The following TNRC6A variants were observed in gnomAD, a reference collection of about 807,000 sequenced individuals.
The protein encoded by TNRC6A is trinucleotide repeat-containing gene 6A protein.
Under a neutral mutation model 221.2 loss-of-function variants are expected in TNRC6A, and 44 were observed. That is an observed-to-expected ratio of 0.20 (90% CI 0.16 to 0.26). The LOEUF is 0.26. Ranked by LOEUF, TNRC6A falls within the 10% of genes least tolerant of loss-of-function variation. The probability of loss-of-function intolerance (pLI) is 1.00; values close to 1 mark genes in which losing one functional copy is unlikely to be tolerated. For synonymous variants in TNRC6A, 847 were observed against 838.5 expected (o/e 1.01, Z -0.18); for missense variants, 2,199 against 2,404.4 (o/e 0.91, Z 1.79).
intron 18 of TNRC6A, among the ~76,000 whole-genome samples, chr16:24,811,215 A>T (rs540140527): frequency 6.6e-6 from 1 of 152,128 alleles, no homozygotes; most frequent in Admixed American, 6.5e-5. Flanking sequence ...GCTAACCCTT[A>T]GCTGCACACT....
intron 2 of TNRC6A, among the ~76,000 whole-genome samples, chr16:24,700,875 C>T (rs955352124): frequency 1.3e-5 from 2 of 152,204 alleles, no homozygotes; most frequent in Admixed American, 6.6e-5. Flanking sequence ...CCCCATGTTC[C>T]GCCATGGCTA....
intron 2 of TNRC6A, among the ~76,000 whole-genome samples, chr16:24,701,201 C>T (rs867522540): frequency 9.9e-5 from 15 of 152,122 alleles, no homozygotes; most frequent in Admixed American, 2.6e-4. Context: ...ATGACTCAGG[C>T]GGAGACTATT....
intron 3 of TNRC6A, among the ~76,000 whole-genome samples, chr16:24,754,526 A>G (rs973210055): frequency 6.6e-6 from 1 of 152,176 alleles, no homozygotes; most frequent in Non-Finnish European, 1.5e-5. Flanking sequence ...GGCTTAGAAA[A>G]TAATTTGACA....
chr16:24,650,955 G>T (rs1443220754), intron 2 of TNRC6A, among the ~76,000 whole-genome samples: 2 of 152,154 alleles, frequency 1.3e-5, no homozygotes, highest in African/African-American at 4.8e-5. Flanking sequence ...CATTGCTAGT[G>T]CTCATTTGCC....
At chr16:24,728,665 T>C (rs886734480), upstream of TNRC6A, among the ~76,000 whole-genome samples, 2 of 152,244 alleles carry the variant, frequency 1.3e-5, no homozygotes, top group Non-Finnish European at 2.9e-5. Flanking sequence ...TTACTGTATC[T>C]ACATGTATGT....
intron 2 of TNRC6A, among the ~76,000 whole-genome samples, chr16:24,686,426 G>A (rs914268182): frequency 2.0e-5 from 3 of 151,970 alleles, no homozygotes; most frequent in African/African-American, 4.8e-5. Context: ...CCTTTCCAAG[G>A]GTTTTGTTTC....
At chr16:24,681,711 A>G (rs2055537106) in intron 2 of TNRC6A, among the ~76,000 whole-genome samples, 1 of 152,136 alleles carries the variant, frequency 6.6e-6, no homozygotes, top group African/African-American at 2.4e-5. Flanking sequence ...TTGCTGCTCT[A>G]TCCTTAGGGG....
intron 4 of TNRC6A, among the ~76,000 whole-genome samples, chr16:24,765,087 G>A (rs12917810): frequency 0.24 from 36,486 of 152,084 alleles, 4,891 homozygotes; most frequent in Non-Finnish European, 0.31. Context: ...GGGGACTACT[G>A]TATACCTAGA....
chr16:24,698,021 CAA>C (rs1290086269), intron 2 of TNRC6A, among the ~76,000 whole-genome samples: 12 of 78,538 alleles, frequency 1.5e-4, no homozygotes, highest in Admixed American at 4.1e-4. Flanking sequence ...GGCTCTGTCT[CAA>C]AAAAAAAAAA....
At chr16:24,781,552 G>T (rs2057846266) in intron 5 of TNRC6A, among the ~76,000 whole-genome samples, 1 of 152,048 alleles carries the variant, frequency 6.6e-6, no homozygotes, top group South Asian at 2.1e-4. Context: ...AAACCTTTTT[G>T]TTCCCTCCCA....
chr16:24,667,649 C>T (rs1253037097), intron 2 of TNRC6A, among the ~76,000 whole-genome samples: 1 of 152,144 alleles, frequency 6.6e-6, no homozygotes, highest in African/African-American at 2.4e-5. Context: ...ATAGTATTAC[C>T]TACCCCCCAG....
At chr16:24,703,944 C>T (rs577458683) in intron 2 of TNRC6A, among the ~76,000 whole-genome samples, 13 of 151,778 alleles carry the variant, frequency 8.6e-5, no homozygotes, top group Non-Finnish European at 1.9e-4. Flanking sequence ...ATCAACTGGG[C>T]GTGGTGATGC....
intron 5 of TNRC6A, among the ~76,000 whole-genome samples, chr16:24,788,773 C>A (rs948828322): frequency 6.6e-6 from 1 of 151,968 alleles, no homozygotes; most frequent in Non-Finnish European, 1.5e-5. Flanking sequence ...CTCAGCCTCC[C>A]GAGTAGCTGG....
chr16:24,731,754 A>T (rs2056648689), intron 2 of TNRC6A, among the ~76,000 whole-genome samples: 1 of 152,222 alleles, frequency 6.6e-6, no homozygotes, highest in Non-Finnish European at 1.5e-5. Flanking sequence ...CCACAGGTAT[A>T]ATTTTAATAT....
At chr16:24,704,972 CT>C (rs1351873409) in intron 2 of TNRC6A, among the ~76,000 whole-genome samples, 6 of 152,066 alleles carry the variant, frequency 3.9e-5, no homozygotes, top group Admixed American at 3.9e-4. Context: ...GACCCTGTCT[CT>C]ACAAAAAAAT....
intron 3 of TNRC6A, among the ~76,000 whole-genome samples, chr16:24,752,511 G>A (rs776179322): frequency 6.6e-6 from 1 of 152,168 alleles, no homozygotes; most frequent in Non-Finnish European, 1.5e-5. Flanking sequence ...TAGGGTTTTG[G>A]TAGGCTTCTC....
At position 24,660,728 on chromosome 16, in the gene TNRC6A, C is replaced by CTTT. The variant is rs138458968; in HGVS notation, n.402+19727_402+19729dup. ...GAATTCAGCTTTCTTTTTCTTTTTTCTTTTTTTTTTCTTTTTTTTTTTTTT... is the reference window on the plus strand; with the variant it reads ...GAATTCAGCTTTCTTTTTCTTTTTTCTTTTTTTTTTTTTCTTTTTTTTTTTTTT... On this transcript the variant is annotated intron_variant and non_coding_transcript_variant, in intron 2 of 2. Coordinates refer to the TNRC6A transcript ENST00000566108. 9.8e-5 allele frequency among the ~76,000 whole-genome samples: 12 copies of CTTT among 122,530 alleles called. 1 individual carries two copies. The highest frequency in any genetic ancestry group is 2.0e-4 in the African/African-American group (6 of 30,464). 80.4% of individuals were successfully genotyped at this position (122,530 alleles called of 152,430 possible).
At chr16:24,798,639 T>C (rs977277290) in intron 11 of TNRC6A, among the ~76,000 whole-genome samples, 10 of 152,120 alleles carry the variant, frequency 6.6e-5, no homozygotes. Flanking sequence ...ACCAAGACAG[T>C]AGATGGAAAT....
At chr16:24,814,876 GTTTTAATGA>G (rs2058623880) in intron 18 of TNRC6A, among the ~76,000 whole-genome samples, 1 of 152,088 alleles carries the variant, frequency 6.6e-6, no homozygotes, top group African/African-American at 2.4e-5. Context: ...CCATACAAGT[GTTTTAATGA>G]TTTGGAAATA....
Sources: allele counts gnomAD v4.1 joint callset (sites outside exome capture counted in the v4.1 genomes callset), GRCh38; gene constraint gnomAD v4.1.1; transcripts MANE v1.5; gene names NCBI Gene and HGNC (gene_info 2026-07-23, HGNC 2026-07-21).